Variants in NTF3 observed in about 807,000 individuals in gnomAD.
The protein encoded by NTF3 is neurotrophin 3, also known as neurotrophin-3.
A neutral mutation model predicts 26.3 loss-of-function variants in NTF3; 8 were observed. The ratio of observed to expected loss-of-function variants is 0.30; its 90% CI spans 0.18 to 0.55. The LOEUF is 0.55. NTF3 is among the 20% of genes least tolerant of loss of function. The probability of loss-of-function intolerance (pLI) is 0.93; values close to 1 mark genes in which losing one functional copy is unlikely to be tolerated. For missense variants in NTF3, 276 were observed against 352.9 expected, an observed-to-expected ratio of 0.78 and a Z score of 1.75; for synonymous variants, 154 against 145.5, an observed-to-expected ratio of 1.06 and a Z score of -0.42.
At chr12:5,486,180 A>G (rs1414308402) in intron 1 of NTF3, among the ~76,000 whole-genome samples, 1 of 152,194 alleles carries the variant, frequency 6.6e-6, no homozygotes, top group Non-Finnish European at 1.5e-5. Flanking sequence ...CTGCCATCTG[A>G]CCACACTTTC....
At chr12:5,453,907 T>A (rs1353018702) in intron 1 of NTF3, among the ~76,000 whole-genome samples, 1 of 152,202 alleles carries the variant, frequency 6.6e-6, no homozygotes, top group Non-Finnish European at 1.5e-5. Flanking sequence ...AAGGTATACA[T>A]GATTTGGCTT....
At chr12:5,489,922 G>C (rs991768367) in intron 1 of NTF3, among the ~76,000 whole-genome samples, 1 of 152,166 alleles carries the variant, frequency 6.6e-6, no homozygotes, top group Non-Finnish European at 1.5e-5. Context: ...AGTATTTTGA[G>C]GGATGGTGAA....
intron 1 of NTF3, among the ~76,000 whole-genome samples, chr12:5,483,087 ATC>A (rs200530878): frequency 0.03 from 3,300 of 110,890 alleles, 47 homozygotes; most frequent in Middle Eastern, 0.052. Flanking sequence ...CTATCCCTCC[ATC>A]TCTCTCTCCC....
chr12:5,440,072 G>A (rs1940218535), intron 1 of NTF3, among the ~76,000 whole-genome samples: 2 of 152,276 alleles, frequency 1.3e-5, no homozygotes, highest in East Asian at 1.9e-4. Context: ...GGTGGATGTT[G>A]CCCTGTTTGA....
chr12:5,455,579 CACACAT>C (rs58860900), intron 1 of NTF3, among the ~76,000 whole-genome samples: 7,487 of 73,730 alleles, frequency 0.1, 621 homozygotes, highest in Admixed American at 0.28. Context: ...CACACACACA[CACACAT>C]AGCCCCTGTG....
intron 1 of NTF3, among the ~76,000 whole-genome samples, chr12:5,478,482 C>G (rs1238366995): frequency 6.6e-6 from 1 of 152,240 alleles, no homozygotes; most frequent in East Asian, 1.9e-4. Flanking sequence ...GGGATCCCCG[C>G]CCCAGCAGCC....
intron 1 of NTF3, among the ~76,000 whole-genome samples, chr12:5,462,179 C>CA (rs1940533359): frequency 6.9e-6 from 1 of 144,904 alleles, no homozygotes; most frequent in Non-Finnish European, 1.5e-5. Context: ...CAGCAGACAT[C>CA]ACTAATCAAT....
intron 1 of NTF3, among the ~76,000 whole-genome samples, chr12:5,432,604 C>G (rs911692785): frequency 4.3e-5 from 6 of 139,608 alleles, no homozygotes; most frequent in African/African-American, 8.1e-5. Context: ...CACACACACA[C>G]ACAGACACGG....
At chr12:5,446,597 C>T (rs1191523107) in intron 1 of NTF3, among the ~76,000 whole-genome samples, 2 of 152,140 alleles carry the variant, frequency 1.3e-5, no homozygotes, top group African/African-American at 4.8e-5. Flanking sequence ...GCAGGACAGC[C>T]AGGGAGTAGA....
chr12:5,434,919 A>G (rs1940148467), intron 1 of NTF3, among the ~76,000 whole-genome samples: 1 of 152,076 alleles, frequency 6.6e-6, no homozygotes, highest in East Asian at 1.9e-4. Context: ...GCACTGGGGC[A>G]TGTAGGGGGT....
intron 1 of NTF3, 138 bp downstream of exon 1, chr12:5,432,480 C>T: frequency 1.0e-6 from 1 of 1,004,572 alleles, no homozygotes; most frequent in Non-Finnish European, 1.5e-6. Flanking sequence ...CGCTCACTCA[C>T]TTTCCCGGGC....
At chr12:5,453,996 A>G (rs10774332) in intron 1 of NTF3, among the ~76,000 whole-genome samples, 42,434 of 151,950 alleles carry the variant, frequency 0.28, 6,480 homozygotes, top group East Asian at 0.52. Flanking sequence ...TGGGCATGGC[A>G]GGTAGCCTAA....
At chr12:5,450,511 G>T (rs951557600) in intron 1 of NTF3, among the ~76,000 whole-genome samples, 2 of 152,264 alleles carry the variant, frequency 1.3e-5, no homozygotes, top group East Asian at 3.9e-4. Context: ...CATTGCCTCT[G>T]CAACTTCTGA....
intron 1 of NTF3, among the ~76,000 whole-genome samples, chr12:5,477,151 C>G (rs1170537826): frequency 1.3e-5 from 2 of 152,078 alleles, no homozygotes; most frequent in Non-Finnish European, 2.9e-5. Flanking sequence ...TCTAGTTTCC[C>G]CAGGGTGGGG....
intron 1 of NTF3, among the ~76,000 whole-genome samples, chr12:5,482,710 C>A (rs1940821908): frequency 6.6e-6 from 1 of 151,814 alleles, no homozygotes; most frequent in Admixed American, 6.6e-5. Flanking sequence ...CTCTCCTCCT[C>A]CCCACTCACT....
At chr12:5,457,909 C>T (rs902083399) in intron 1 of NTF3, among the ~76,000 whole-genome samples, 1 of 152,198 alleles carries the variant, frequency 6.6e-6, no homozygotes, top group Non-Finnish European at 1.5e-5. Context: ...CATTCTAACT[C>T]TCATAATGCC....
chr12:5,442,334 G>T (rs527910963), intron 1 of NTF3, among the ~76,000 whole-genome samples: 1 of 152,300 alleles, frequency 6.6e-6, no homozygotes, highest in South Asian at 2.1e-4. Context: ...CAGGGCTAGG[G>T]TGATGGATGC....
chr12:5,478,162 T>C (rs1022068903), intron 1 of NTF3, among the ~76,000 whole-genome samples: 3 of 152,214 alleles, frequency 2.0e-5, no homozygotes, highest in Non-Finnish European at 2.9e-5. Flanking sequence ...GATTTTTTCA[T>C]TGCAAACCCT....
chr12:5,481,862 CA>C (rs1184483278), intron 1 of NTF3, among the ~76,000 whole-genome samples: 1 of 150,420 alleles, frequency 6.6e-6, no homozygotes, highest in Non-Finnish European at 1.5e-5. Context: ...CACACAAAAA[CA>C]TACACAGACA....
Sources: gnomAD v4.1 joint callset for allele counts (sites outside exome capture counted in the v4.1 genomes callset) on GRCh38, gnomAD v4.1.1 for gene constraint, MANE v1.5 for transcripts, NCBI Gene and HGNC (gene_info 2026-07-23, HGNC 2026-07-21) for gene names.